The following SCAMP2 variants were observed in gnomAD, a reference collection of about 807,000 sequenced individuals.
SCAMP2 encodes secretory carrier membrane protein 2, also known as secretory carrier-associated membrane protein 2.
Under a neutral mutation model 44.1 loss-of-function variants are expected in SCAMP2, and 25 were observed. The ratio of observed to expected loss-of-function variants is 0.57; its 90% confidence interval spans 0.41 to 0.79. The LOEUF (loss-of-function observed/expected upper bound fraction) is 0.79. Among genes scored for constraint, SCAMP2 ranks in the 30% least tolerant of loss-of-function variants. The pLI is 0.00. For synonymous variants in SCAMP2, 156 were observed against 166.0 expected (o/e 0.94, Z 0.46); for missense variants, 355 against 411.0 (o/e 0.86, Z 1.18).
At position 74,854,082 on chromosome 15, in the gene SCAMP2, G is replaced by C; in HGVS notation, c.164C>G (p.Pro55Arg). ...GAGAACCGCTGGCTGTGAGGACCCA[G>C]GGAGTTGGGTGACAGGAACTGTTGT... ...AATTVPVTQLPGSSQPAVLQP... is the reference protein window; with the variant it reads ...AATTVPVTQLRGSSQPAVLQP... The change falls in exon 3 of 9, where the codon CCT (proline) becomes CGT (arginine). Residue 55 changes from proline (P) to arginine (R), a missense_variant. Transcript: ENST00000268099. 1 of 1,614,210 alleles carries C rather than the reference G, an allele frequency of 6.2e-7. No homozygotes were observed. The highest frequency in any genetic ancestry group is 8.5e-7 in the Non-Finnish European group (1 of 1,179,996).
In SCAMP2 at chr15:74,845,602, GGAA is replaced by G. The variant is rs1195577976; in HGVS notation, c.735-12_735-10del. 8.7e-6 allele frequency: 14 copies of G among 1,613,586 alleles called. No homozygotes were observed. The highest frequency in any genetic ancestry group is 1.3e-5 in the African/African-American group (1 of 74,914). On this transcript the variant is annotated splice_polypyrimidine_tract_variant and intron_variant, in intron 7 of 8. Coordinates refer to ENST00000268099, the MANE Select transcript of SCAMP2 (RefSeq NM_005697.5). The stretch of plus-strand genomic sequence containing the variant: ...GGGCTGCAATCCAACCGCTATAAAG[GGAA>G]GAAGAGGCCAGAGGGAGCAAAGTGG...
At chr15:74,851,015 GGA>G (rs1268482481) in intron 5 of SCAMP2, among the ~76,000 whole-genome samples, 2 of 152,290 alleles carry the variant, frequency 1.3e-5, no homozygotes, top group Middle Eastern at 3.4e-3. Context: ...AGCTGCAGGG[GGA>G]GTCTCCTTCC....
rs1213768881 is a variant in SCAMP2 at position 74,845,490 on chromosome 15, C to A, written c.838G>T (p.Val280Phe). ...GFFTLCAVLS[V>F]FLLQRVHSLY... The stretch of plus-strand genomic sequence containing the variant: ...CCACTCACCCGCTGCAGGAGGAAGA[C>A]TGAGAGCACGGCACAGAGGGTGAAG... The change falls in exon 8 of 9, where the codon GTC becomes TTC. Residue 280 changes from valine (V) to phenylalanine (F), a missense_variant. Coordinates refer to ENST00000268099, the MANE Select transcript of SCAMP2 (RefSeq NM_005697.5). 5.0e-6 allele frequency: 8 copies of A among 1,614,176 alleles called. No homozygotes were observed. The highest frequency in any genetic ancestry group is 2.2e-5 in the South Asian group (2 of 91,084).
chr15:74,856,300 A>G (rs1463741138), intron 1 of SCAMP2, among the ~76,000 whole-genome samples: 3 of 119,236 alleles, frequency 2.5e-5, no homozygotes, highest in African/African-American at 9.6e-5. Context: ...TTTAAGACAG[A>G]GTCACGCTCT....
intron 7 of SCAMP2, among the ~76,000 whole-genome samples, chr15:74,847,803 A>G (rs1329833508): frequency 6.6e-6 from 1 of 152,188 alleles, no homozygotes; most frequent in Non-Finnish European, 1.5e-5. Context: ...CTGGAAACTC[A>G]AACCAGCCGT....
intron 1 of SCAMP2, among the ~76,000 whole-genome samples, chr15:74,862,311 T>C (rs2064512132): frequency 2.5e-5 from 3 of 120,966 alleles, no homozygotes; most frequent in South Asian, 2.7e-4. Flanking sequence ...GTGCAATGGC[T>C]CACACCTATA....
rs565641578 is a variant in SCAMP2 at position 74,872,438 on chromosome 15, G to A, written c.57+761C>T. Among the ~76,000 whole-genome samples the A allele has an allele frequency of 9.3e-5, 14 of 150,168 alleles. No homozygotes were observed. The South Asian group carries it at 2.9e-3, about 32-fold the overall frequency. On this transcript the variant is annotated intron_variant, in intron 1 of 8. Coordinates refer to ENST00000268099, the MANE Select transcript of SCAMP2 (RefSeq NM_005697.5). The stretch of plus-strand genomic sequence containing the variant: ...AAAAAAAAAAAAAAAAGTCAGGCCA[G>A]CTCACACGTCAGTGCATCTCAACTA...
chr15:74,864,538 G>C (rs530188950), intron 1 of SCAMP2, among the ~76,000 whole-genome samples: 45 of 152,304 alleles, frequency 3.0e-4, no homozygotes, highest in African/African-American at 9.9e-4. Context: ...GAGATTTGCA[G>C]TCAGGGGTGA....
At chr15:74,872,343 G>A (rs897194568) in intron 1 of SCAMP2, among the ~76,000 whole-genome samples, 1 of 151,648 alleles carries the variant, frequency 6.6e-6, no homozygotes, top group African/African-American at 2.4e-5. Flanking sequence ...AACTCGGGAG[G>A]CAGAGGTTGC....
intron 1 of SCAMP2, among the ~76,000 whole-genome samples, chr15:74,858,703 C>T (rs766627473): frequency 6.6e-6 from 1 of 151,558 alleles, no homozygotes; most frequent in Non-Finnish European, 1.5e-5. Flanking sequence ...ATTGAAGGCG[C>T]TCAGTGAATA....
At chr15:74,856,596 T>TC in intron 1 of SCAMP2, among the ~76,000 whole-genome samples, 1 of 151,002 alleles carries the variant, frequency 6.6e-6, no homozygotes, top group East Asian at 1.9e-4. Context: ...TTTTTTTTTT[T>TC]CCTTTTTCTT....
intron 1 of SCAMP2, among the ~76,000 whole-genome samples, chr15:74,862,853 TACACAC>T (rs112611741): frequency 0.026 from 2,235 of 87,448 alleles, 41 homozygotes; most frequent in African/African-American, 0.046. Flanking sequence ...AAACAAACCA[TACACAC>T]ACACACACAC....
chr15:74,861,452 A>G (rs951270198), intron 1 of SCAMP2, among the ~76,000 whole-genome samples: 1 of 152,210 alleles, frequency 6.6e-6, no homozygotes, highest in African/African-American at 2.4e-5. Flanking sequence ...TGTACCTGCA[A>G]TGATATTCAT....
intron 1 of SCAMP2, among the ~76,000 whole-genome samples, chr15:74,860,903 G>A (rs1461428088): frequency 1.3e-5 from 2 of 151,636 alleles, no homozygotes; most frequent in South Asian, 4.2e-4. Context: ...GGCCAGGCAC[G>A]GTGGCTCATG....
intron 1 of SCAMP2, among the ~76,000 whole-genome samples, chr15:74,869,787 C>A (rs550443046): frequency 3.9e-5 from 6 of 152,180 alleles, no homozygotes; most frequent in African/African-American, 1.4e-4. Context: ...GAAATAAAAA[C>A]GACTGTTCTG....
At chr15:74,856,544 G>T (rs2064470155) in intron 1 of SCAMP2, among the ~76,000 whole-genome samples, 1 of 150,942 alleles carries the variant, frequency 6.6e-6, no homozygotes, top group Non-Finnish European at 1.5e-5. Flanking sequence ...CAAAGTACTG[G>T]GATTACAGAT....
At position 74,867,635 on chromosome 15, in the gene SCAMP2, GT is replaced by G. The variant is rs2064551995; in HGVS notation, c.57+5563del. Among the ~76,000 whole-genome samples, 3 of 152,340 alleles carry G rather than the reference GT, an allele frequency of 2.0e-5. No individual in the cohort carries two copies. The South Asian group carries it at 6.2e-4, about 32-fold the overall frequency. Reference sequence around the variant, plus strand: ...CAACCCTCTCTGGGAAGGTCCCACTGTCTGCACAGGGAAATTCAAGTAACTT... The same window carrying G: ...CAACCCTCTCTGGGAAGGTCCCACTGCTGCACAGGGAAATTCAAGTAACTT... On this transcript the variant is annotated intron_variant, in intron 1 of 8. Coordinates refer to ENST00000268099, the MANE Select transcript of SCAMP2 (RefSeq NM_005697.5).
chr15:74,858,845 C>T (rs2064484031), intron 1 of SCAMP2, among the ~76,000 whole-genome samples: 1 of 124,290 alleles, frequency 8.0e-6, no homozygotes, highest in Non-Finnish European at 1.6e-5. Flanking sequence ...CGGAGTCTTG[C>T]TCTGTTACCC....
intron 1 of SCAMP2, among the ~76,000 whole-genome samples, chr15:74,865,115 T>C (rs1404716535): frequency 7.4e-6 from 1 of 135,246 alleles, no homozygotes; most frequent in Non-Finnish European, 1.5e-5. Flanking sequence ...GCACAGTTGC[T>C]CACGCCTGTA....
Sources: gnomAD v4.1 joint callset for allele counts (sites outside exome capture counted in the v4.1 genomes callset) on GRCh38, gnomAD v4.1.1 for gene constraint, MANE v1.5 for transcripts, NCBI Gene and HGNC (gene_info 2026-07-23, HGNC 2026-07-21) for gene names.